RARB: variants seen among roughly 807,000 people sequenced by gnomAD.
The protein encoded by RARB is retinoic acid receptor beta.
Under a neutral mutation model 51.9 loss-of-function variants are expected in RARB, and 17 were observed. The observed-to-expected ratio is 0.33, with a 90% CI of 0.22 to 0.49. The LOEUF (loss-of-function observed/expected upper bound fraction) is 0.49, where lower values mean the gene tolerates loss of function less well. Ranked by LOEUF, RARB falls within the 20% of genes least tolerant of loss-of-function variation. The pLI, the probability that RARB is intolerant of heterozygous loss-of-function variation, is 0.99. For missense variants in RARB, 369 were observed against 550.8 expected, an observed-to-expected ratio of 0.67 and a Z score of 3.30; for synonymous variants, 215 against 195.4, an observed-to-expected ratio of 1.10 and a Z score of -0.84.
chr3:24,966,216 T>C (rs754564184), intron 2 of RARB, among the ~76,000 whole-genome samples: 34 of 152,164 alleles, frequency 2.2e-4, no homozygotes, highest in Non-Finnish European at 3.2e-4. Context: ...ATGTAACTAT[T>C]ATTGGAATTT....
At chr3:25,560,403 G>A (rs752983255) in intron 3 of RARB, among the ~76,000 whole-genome samples, 1 of 152,184 alleles carries the variant, frequency 6.6e-6, no homozygotes, top group Non-Finnish European at 1.5e-5. Context: ...CAAACATCTG[G>A]CAAAATTATA....
chr3:25,575,535 C>T (rs903973214), intron 4 of RARB, among the ~76,000 whole-genome samples: 3 of 152,168 alleles, frequency 2.0e-5, no homozygotes, highest in African/African-American at 7.2e-5. Context: ...GGAGAGAGCC[C>T]TTTCTTGCCT....
chr3:25,088,388 G>A (rs763446576), intron 3 of RARB, among the ~76,000 whole-genome samples: 55 of 152,238 alleles, frequency 3.6e-4, no homozygotes, highest in Non-Finnish European at 7.1e-4. Context: ...GAACGCCCTT[G>A]TTTGCTTGCC....
chr3:25,154,863 C>T (rs1199404016), intron 4 of RARB, among the ~76,000 whole-genome samples: 1 of 152,206 alleles, frequency 6.6e-6, no homozygotes, highest in African/African-American at 2.4e-5. Context: ...AGCATGGCGC[C>T]AACCCTAAAG....
At chr3:24,922,138 T>C (rs17015448) in intron 2 of RARB, among the ~76,000 whole-genome samples, 6,911 of 152,336 alleles carry the variant, frequency 0.045, 193 homozygotes, top group Middle Eastern at 0.11. Context: ...AAAGCACTTC[T>C]AGTGTCAAGT....
chr3:25,167,161 G>C (rs766057073), intron 4 of RARB, among the ~76,000 whole-genome samples: 2 of 152,164 alleles, frequency 1.3e-5, no homozygotes, highest in Non-Finnish European at 2.9e-5. Context: ...AAGACATGTA[G>C]AGCTGAAAAG....
chr3:24,965,849 C>T (rs1227305134), intron 2 of RARB, among the ~76,000 whole-genome samples: 1 of 152,102 alleles, frequency 6.6e-6, no homozygotes, highest in East Asian at 1.9e-4. Flanking sequence ...AAAAATAATA[C>T]AACATCATAC....
At chr3:25,203,479 G>A (rs1701449538) in intron 5 of RARB, among the ~76,000 whole-genome samples, 1 of 152,180 alleles carries the variant, frequency 6.6e-6, no homozygotes, top group Non-Finnish European at 1.5e-5. Context: ...TCATTATGAT[G>A]TTAGCTGGTT....
intron 1 of RARB, among the ~76,000 whole-genome samples, chr3:24,843,161 T>C (rs992774724): frequency 1.3e-5 from 2 of 152,184 alleles, no homozygotes; most frequent in Admixed American, 6.5e-5. Flanking sequence ...ATTGGATTAA[T>C]TGGGCAATGC....
At chr3:24,933,167 A>C (rs1404673273) in intron 2 of RARB, among the ~76,000 whole-genome samples, 1 of 152,096 alleles carries the variant, frequency 6.6e-6, no homozygotes, top group Non-Finnish European at 1.5e-5. Flanking sequence ...AAACAATAAA[A>C]ATATGCAAAT....
chr3:25,200,575 G>C (rs577915839), intron 5 of RARB, among the ~76,000 whole-genome samples: 141 of 152,252 alleles, frequency 9.3e-4, no homozygotes, highest in African/African-American at 3.2e-3. Flanking sequence ...TATGGTTTAG[G>C]TCTAACATGT....
At chr3:25,493,665 A>G (rs1696861519) in intron 2 of RARB, among the ~76,000 whole-genome samples, 1 of 152,196 alleles carries the variant, frequency 6.6e-6, no homozygotes, top group African/African-American at 2.4e-5. Context: ...ATCCTTTTGA[A>G]CTTTGCATGG....
At chr3:25,386,392 G>C (rs1706794799) in intron 5 of RARB, among the ~76,000 whole-genome samples, 1 of 152,212 alleles carries the variant, frequency 6.6e-6, no homozygotes, top group African/African-American at 2.4e-5. Context: ...ATGTCAAGAA[G>C]TGGGATTGTT....
chr3:25,086,930 T>C (rs1435237268), intron 3 of RARB, among the ~76,000 whole-genome samples: 1 of 152,128 alleles, frequency 6.6e-6, no homozygotes, highest in Non-Finnish European at 1.5e-5. Context: ...GGTGCCAGAC[T>C]CCTTACTTAA....
intron 2 of RARB, among the ~76,000 whole-genome samples, chr3:24,998,762 T>C (rs143929437): frequency 1.4e-3 from 217 of 152,298 alleles, no homozygotes; most frequent in African/African-American, 4.7e-3. Flanking sequence ...CTTAAACTTC[T>C]TTGAAGTCCT....
At chr3:25,066,936 A>G (rs1048121496) in intron 3 of RARB, among the ~76,000 whole-genome samples, 1 of 152,100 alleles carries the variant, frequency 6.6e-6, no homozygotes, top group Admixed American at 6.6e-5. Context: ...CCTTATGTGG[A>G]GTGGTACTGG....
At chr3:25,305,138 G>T (rs1704126007) in intron 5 of RARB, among the ~76,000 whole-genome samples, 1 of 152,212 alleles carries the variant, frequency 6.6e-6, no homozygotes, top group South Asian at 2.1e-4. Context: ...GGATACACTA[G>T]GATGTGCTGC....
At chr3:25,147,981 T>A (rs530073308) in intron 4 of RARB, among the ~76,000 whole-genome samples, 58 of 152,250 alleles carry the variant, frequency 3.8e-4, no homozygotes, top group Non-Finnish European at 2.9e-5. Context: ...GGGTCTGGGG[T>A]CTTTGATGAT....
chr3:25,401,547 T>C (rs920635746), intron 5 of RARB, among the ~76,000 whole-genome samples: 3 of 152,104 alleles, frequency 2.0e-5, no homozygotes, highest in African/African-American at 7.2e-5. Context: ...AATGATCAGA[T>C]GGGGAATTTT....
Sources: gnomAD v4.1 joint callset for allele counts (sites outside exome capture counted in the v4.1 genomes callset) on GRCh38, gnomAD v4.1.1 for gene constraint, MANE v1.5 for transcripts, NCBI Gene and HGNC (gene_info 2026-07-23, HGNC 2026-07-21) for gene names.